The following DMD variants were observed in gnomAD, a reference collection of about 807,000 sequenced individuals.
DMD encodes dystrophin.
Under a neutral mutation model 330.1 loss-of-function variants are expected in DMD, and 63 were observed. The observed-to-expected ratio is 0.19, with a 90% CI of 0.16 to 0.24. The LOEUF (loss-of-function observed/expected upper bound fraction) is 0.24, where lower values mean the gene tolerates loss of function less well. Among genes scored for constraint, DMD ranks in the 10% least tolerant of loss-of-function variants. The probability of loss-of-function intolerance (pLI) is 1.00; values close to 1 mark genes in which losing one functional copy is unlikely to be tolerated. For missense variants in DMD, 3,344 were observed against 2,684.1 expected, an observed-to-expected ratio of 1.25 and a Z score of -5.43; for synonymous variants, 1,223 against 959.8, an observed-to-expected ratio of 1.27 and a Z score of -5.07.
chrX:32,519,744 T>C (rs1417598198), intron 17 of DMD, among the ~76,000 whole-genome samples: 1 of 112,281 alleles, frequency 8.9e-6, no homozygotes, highest in East Asian at 2.8e-4. Context: ...ACCTGATCTA[T>C]TGAACTCCAG....
chrX:31,224,670 T>C (rs1260164148), intron 63 of DMD, among the ~76,000 whole-genome samples: 1 of 111,809 alleles, frequency 8.9e-6, no homozygotes, highest in Non-Finnish European at 1.9e-5. Flanking sequence ...AAAATGTATG[T>C]CCACAAAAAG....
intron 13 of DMD, among the ~76,000 whole-genome samples, chrX:32,593,301 G>A (rs924753872): frequency 1.1e-4 from 12 of 112,585 alleles, no homozygotes; most frequent in Non-Finnish European, 2.1e-4. Flanking sequence ...CATCTGTTGC[G>A]TTCAAAGTTC....
At chrX:31,806,987 G>C (rs947017013) in intron 50 of DMD, among the ~76,000 whole-genome samples, 2 of 111,974 alleles carry the variant, frequency 1.8e-5, no homozygotes, top group African/African-American at 6.5e-5. Context: ...AAAAGGGCGA[G>C]AGCAACAGAC....
chrX:32,482,309 C>T (rs2041977660), intron 21 of DMD, among the ~76,000 whole-genome samples: 1 of 110,845 alleles, frequency 9.0e-6, no homozygotes, highest in Admixed American at 9.7e-5. Context: ...AATTCCACCC[C>T]CTCATCCTCC....
chrX:31,239,341 T>C (rs1287405603), intron 63 of DMD, among the ~76,000 whole-genome samples: 1 of 112,081 alleles, frequency 8.9e-6, no homozygotes, highest in Admixed American at 9.5e-5. Flanking sequence ...GGGGAATATA[T>C]ATACTTTTTA....
At chrX:31,617,321 G>A (rs1224136799) in intron 55 of DMD, among the ~76,000 whole-genome samples, 1 of 110,921 alleles carries the variant, frequency 9.0e-6, no homozygotes, top group Non-Finnish European at 1.9e-5. Flanking sequence ...CATCACCTGA[G>A]GTCAGGAGTT....
chrX:31,204,403 A>G (rs2043847046), intron 66 of DMD, among the ~76,000 whole-genome samples: 1 of 112,839 alleles, frequency 8.9e-6, no homozygotes, highest in Admixed American at 9.4e-5. Flanking sequence ...TCTAAGCCAG[A>G]ACATAATCCT....
intron 11 of DMD, among the ~76,000 whole-genome samples, chrX:32,623,649 T>C (rs1188027868): frequency 9.2e-6 from 1 of 108,570 alleles, no homozygotes; most frequent in Non-Finnish European, 1.9e-5. Context: ...TGCCTCAGCC[T>C]CCTGAGTAGC....
intron 44 of DMD, among the ~76,000 whole-genome samples, chrX:32,164,796 C>A (rs897277628): frequency 9.3e-5 from 6 of 64,658 alleles, no homozygotes; most frequent in Non-Finnish European, 1.4e-4. Context: ...GGACCAGGTC[C>A]CCCCCCCAAC....
intron 44 of DMD, among the ~76,000 whole-genome samples, chrX:32,138,539 C>A (rs1022016936): frequency 2.7e-5 from 3 of 111,852 alleles, no homozygotes; most frequent in East Asian, 2.8e-4. Context: ...TTTTTAAATT[C>A]TTGCATCATT....
intron 2 of DMD, among the ~76,000 whole-genome samples, chrX:32,886,188 C>T (rs1211011439): frequency 6.4e-5 from 7 of 110,083 alleles, no homozygotes; most frequent in Non-Finnish European, 1.3e-4. Context: ...AGAATGTTAG[C>T]TTCAAAATTT....
At chrX:32,911,541 T>C (rs1393412426) in intron 2 of DMD, among the ~76,000 whole-genome samples, 1 of 112,162 alleles carries the variant, frequency 8.9e-6, no homozygotes, top group African/African-American at 3.2e-5. Context: ...ATGAGTTTTA[T>C]TAAATAAAAA....
intron 26 of DMD, among the ~76,000 whole-genome samples, chrX:32,452,338 AGGGAAAGGGAAAGG>A (rs2098333963): frequency 1.3e-4 from 1 of 7,810 alleles, no homozygotes; most frequent in East Asian, 0.012. Context: ...TGAAAGTGAA[AGGGAAAGGGAAAGG>A]GAAAGGGAAA....
intron 1 of DMD, among the ~76,000 whole-genome samples, chrX:33,279,449 GT>G (rs200332838): frequency 6.0e-4 from 63 of 105,784 alleles, no homozygotes; most frequent in African/African-American, 9.2e-4. Flanking sequence ...GTACCACAGG[GT>G]TTTTTTTTTT....
intron 2 of DMD, among the ~76,000 whole-genome samples, chrX:32,869,460 A>G (rs992439473): frequency 9.1e-6 from 1 of 110,443 alleles, no homozygotes; most frequent in Admixed American, 9.7e-5. Context: ...TTACTGAGCT[A>G]AAGGAGCATG....
At chrX:32,607,474 A>G (rs1407388224) in intron 12 of DMD, among the ~76,000 whole-genome samples, 1 of 110,010 alleles carries the variant, frequency 9.1e-6, no homozygotes, top group African/African-American at 3.3e-5. Flanking sequence ...TTGTTAAAGG[A>G]TACAGTATCA....
At chrX:31,182,622 C>T (rs2041273178) in intron 68 of DMD, 116 bp downstream of exon 68, 3 of 705,736 alleles carry the variant, frequency 4.3e-6, no homozygotes, top group South Asian at 2.3e-5. Flanking sequence ...CACCTTCTCT[C>T]CCACTTTGGA....
intron 45 of DMD, among the ~76,000 whole-genome samples, chrX:31,932,487 T>C (rs1205274467): frequency 1.8e-5 from 2 of 112,227 alleles, no homozygotes; most frequent in South Asian, 7.4e-4. Flanking sequence ...GGCTCATGCC[T>C]GTAACCCTAG....
intron 2 of DMD, among the ~76,000 whole-genome samples, chrX:32,895,530 G>T (rs2085629778): frequency 9.0e-6 from 1 of 111,495 alleles, no homozygotes; most frequent in Non-Finnish European, 1.9e-5. Flanking sequence ...GGTTGATAAG[G>T]GTCAAGGGTT....
Sources: gnomAD v4.1 joint callset for allele counts (sites outside exome capture counted in the v4.1 genomes callset) on GRCh38, gnomAD v4.1.1 for gene constraint, MANE v1.5 for transcripts, NCBI Gene and HGNC (gene_info 2026-07-23, HGNC 2026-07-21) for gene names.